The following EYS variants were observed in gnomAD, a reference collection of about 807,000 sequenced individuals.
EYS encodes protein eyes shut homolog.
Under a neutral mutation model 282.1 loss-of-function variants are expected in EYS, and 250 were observed. That is an observed-to-expected ratio of 0.89 (90% CI 0.80 to 0.98). The LOEUF (loss-of-function observed/expected upper bound fraction) is 0.98, where lower values mean the gene tolerates loss of function less well. Ranked by LOEUF, EYS falls within the 50% of genes least tolerant of loss-of-function variation. The probability of loss-of-function intolerance (pLI) is 0.00; values close to 1 mark genes in which losing one functional copy is unlikely to be tolerated. For synonymous variants in EYS, 1,355 were observed against 1,282.9 expected, an observed-to-expected ratio of 1.06 and a Z score of -1.20; for missense variants, 4,016 against 3,709.0, an observed-to-expected ratio of 1.08 and a Z score of -2.15.
chr6:64,359,898 C>A (rs1419375272), intron 29 of EYS, among the ~76,000 whole-genome samples: 4 of 151,526 alleles, frequency 2.6e-5, no homozygotes, highest in African/African-American at 9.7e-5. Flanking sequence ...CATAATCATC[C>A]TCATTTTGCT....
At chr6:64,835,905 G>A (rs1305073001) in intron 19 of EYS, among the ~76,000 whole-genome samples, 2 of 151,582 alleles carry the variant, frequency 1.3e-5, no homozygotes, top group Non-Finnish European at 3.0e-5. Context: ...CCTAAATTAA[G>A]ATGATGATAT....
At chr6:64,211,731 T>C in intron 31 of EYS, among the ~76,000 whole-genome samples, 1 of 149,802 alleles carries the variant, frequency 6.7e-6, no homozygotes, top group East Asian at 1.9e-4. Context: ...TGTTTATATA[T>C]ATAAAATGTA....
chr6:65,479,442 T>G (rs925993634), intron 5 of EYS, among the ~76,000 whole-genome samples: 2 of 152,162 alleles, frequency 1.3e-5, no homozygotes, highest in Non-Finnish European at 2.9e-5. Flanking sequence ...AAATTTGATA[T>G]AAATATACAC....
chr6:64,195,118 C>T (rs1426251581), intron 31 of EYS, among the ~76,000 whole-genome samples: 3 of 151,846 alleles, frequency 2.0e-5, no homozygotes, highest in Non-Finnish European at 4.4e-5. Context: ...TATTTATTTT[C>T]TTTAAGCATC....
chr6:65,592,811 C>T lies in EYS; in HGVS notation c.-333+46967G>A, dbSNP rs73449394. Among the ~76,000 whole-genome samples, 857 of 152,090 alleles carry T rather than the reference C, an allele frequency of 5.6e-3. 4 individuals carry two copies. The highest frequency in any genetic ancestry group is 0.019 in the African/African-American group (800 of 41,536). On this transcript the variant is annotated intron_variant, in intron 2 of 42. Transcript: ENST00000503581. ...GAAGAATGGTTGGTTTTATTAAAAT[C>T]CCTTTCCTAATGTCATTGAGCAGTA...
intron 28 of EYS, among the ~76,000 whole-genome samples, chr6:64,413,062 A>C (rs1354407425): frequency 6.6e-6 from 1 of 152,176 alleles, no homozygotes; most frequent in Non-Finnish European, 1.5e-5. Flanking sequence ...GAGCAGGATT[A>C]AAACTATGGA....
At chr6:64,545,234 A>G (rs897294557) in intron 26 of EYS, among the ~76,000 whole-genome samples, 7 of 152,156 alleles carry the variant, frequency 4.6e-5, no homozygotes, top group Non-Finnish European at 8.8e-5. Flanking sequence ...ATCAATAAAC[A>G]TAATCCAGGA....
chr6:64,969,678 G>A (rs2150110435), intron 14 of EYS, among the ~76,000 whole-genome samples: 1 of 152,164 alleles, frequency 6.6e-6, no homozygotes, highest in East Asian at 1.9e-4. Flanking sequence ...ATAATAACAT[G>A]AAACTGCTCT....
chr6:64,968,272 T>A (rs74869889), intron 14 of EYS, among the ~76,000 whole-genome samples: 1 of 152,112 alleles, frequency 6.6e-6, no homozygotes, highest in Non-Finnish European at 1.5e-5. Context: ...TTTTTTTTTA[T>A]GGGAAGTTTA....
chr6:64,586,369 T>C (rs1275970584), intron 26 of EYS, among the ~76,000 whole-genome samples: 2 of 152,126 alleles, frequency 1.3e-5, no homozygotes, highest in African/African-American at 4.8e-5. Flanking sequence ...ACTAAGACAC[T>C]TAATGCATTT....
At chr6:65,373,154 C>T (rs1765227687) in intron 8 of EYS, among the ~76,000 whole-genome samples, 1 of 152,038 alleles carries the variant, frequency 6.6e-6, no homozygotes, top group Non-Finnish European at 1.5e-5. Flanking sequence ...AAGTTAAATC[C>T]TCATACTAAC....
chr6:65,038,543 C>A (rs184532469), intron 13 of EYS, among the ~76,000 whole-genome samples: 1 of 151,324 alleles, frequency 6.6e-6, no homozygotes, highest in African/African-American at 2.4e-5. Flanking sequence ...TATAAACATG[C>A]TTGTAAATGA....
Position 64,512,615 on chromosome 6 carries a change from T to C in EYS, c.5645-73263A>G, listed in dbSNP as rs557200495. On this transcript the variant is annotated intron_variant, in intron 26 of 42. Coordinates refer to ENST00000503581, the MANE Select transcript of EYS (RefSeq NM_001142800.2). ...TTACAATATGATTAATCTGTGTTATTTGAGGAAAGTGGGAAAAAAAGGCAA... is the reference window on the plus strand; with the variant it reads ...TTACAATATGATTAATCTGTGTTATCTGAGGAAAGTGGGAAAAAAAGGCAA... Among the ~76,000 whole-genome samples the C allele has an allele frequency of 3.4e-4, 51 of 151,530 alleles. 1 individual carries two copies. The highest frequency in any genetic ancestry group is 2.6e-3 in the Admixed American group (39 of 15,218).
At chr6:64,001,887 G>A (rs1278640058) in intron 33 of EYS, among the ~76,000 whole-genome samples, 2 of 152,200 alleles carry the variant, frequency 1.3e-5, no homozygotes, top group African/African-American at 4.8e-5. Flanking sequence ...GGGAAGTGCT[G>A]GGTAGAGAAG....
chr6:63,960,805 C>T (rs1766026249), intron 35 of EYS, among the ~76,000 whole-genome samples: 1 of 152,164 alleles, frequency 6.6e-6, no homozygotes, highest in Non-Finnish European at 1.5e-5. Flanking sequence ...ACATAATATT[C>T]TTGTGCACTT....
intron 8 of EYS, among the ~76,000 whole-genome samples, chr6:65,381,465 G>A (rs931005263): frequency 4.0e-5 from 6 of 151,668 alleles, no homozygotes; most frequent in African/African-American, 7.3e-5. Context: ...GAGGCCTGTC[G>A]GGCAGAGTGG....
chr6:65,515,667 C>A (rs1188666841), intron 2 of EYS, among the ~76,000 whole-genome samples: 1 of 151,336 alleles, frequency 6.6e-6, no homozygotes, highest in Non-Finnish European at 1.5e-5. Flanking sequence ...TGGAAATCAT[C>A]ATTCTCAGTA....
intron 41 of EYS, among the ~76,000 whole-genome samples, chr6:63,727,035 A>G (rs1768639820): frequency 6.6e-6 from 1 of 152,208 alleles, no homozygotes; most frequent in Non-Finnish European, 1.5e-5. Flanking sequence ...TGCTTTCAGA[A>G]AGTTCAAATG....
intron 14 of EYS, among the ~76,000 whole-genome samples, chr6:64,958,887 G>A (rs1488784089): frequency 1.3e-5 from 2 of 151,894 alleles, no homozygotes; most frequent in South Asian, 2.1e-4. Context: ...ATTACAGTTA[G>A]ACACACAATC....
Sources: gnomAD v4.1 joint callset for allele counts (sites outside exome capture counted in the v4.1 genomes callset) on GRCh38, gnomAD v4.1.1 for gene constraint, MANE v1.5 for transcripts, NCBI Gene and HGNC (gene_info 2026-07-23, HGNC 2026-07-21) for gene names.